Variants in ADGRD1 observed in about 807,000 individuals in gnomAD.
ADGRD1 encodes G-protein coupled receptor 133.
A neutral mutation model predicts 113.4 loss-of-function variants in ADGRD1; 77 were observed. The observed-to-expected ratio is 0.68, with a 90% CI of 0.57 to 0.82. The LOEUF (loss-of-function observed/expected upper bound fraction) is 0.82, where lower values mean the gene tolerates loss of function less well. Ranked by LOEUF, ADGRD1 falls within the 40% of genes least tolerant of loss-of-function variation. The pLI is 0.00. For synonymous variants in ADGRD1, 474 were observed against 475.0 expected (o/e 1.00, Z 0.03); for missense variants, 1,036 against 1,139.1 (o/e 0.91, Z 1.30).
At chr12:130,967,192 G>C in intron 3 of ADGRD1, 1 of 373,290 alleles carries the variant, frequency 2.7e-6, no homozygotes, top group Non-Finnish European at 5.7e-6. Flanking sequence ...AAGGGCCCCC[G>C]TTTCATTCAG....
chr12:131,127,764 G>A (rs1331088258), intron 20 of ADGRD1, among the ~76,000 whole-genome samples: 1 of 140,532 alleles, frequency 7.1e-6, no homozygotes, highest in African/African-American at 2.7e-5. Context: ...TCTGAGCTCA[G>A]GTGGGGTGTT....
intron 17 of ADGRD1, among the ~76,000 whole-genome samples, chr12:131,107,664 C>T (rs1247915081): frequency 6.6e-6 from 1 of 152,182 alleles, no homozygotes; most frequent in Non-Finnish European, 1.5e-5. Flanking sequence ...ACCAGAGCCT[C>T]TGGGGTAGGA....
Position 131,131,905 on chromosome 12 carries a change from C to T in ADGRD1, c.2267+89C>T, listed in dbSNP as rs1037443515. ...TCACAGGAGAGATAGCCACTCCTGC[C>T]TCCTGTGGCCGGCACCAAAGTCCTC... On this transcript the variant is annotated intron_variant, in intron 21 of 24. Transcript: ENST00000261654. The T allele has an allele frequency of 2.2e-5, 18 of 835,422 alleles. No homozygotes were observed. The African/African-American group carries it at 3.0e-4, about 14-fold the overall frequency. 51.8% of individuals were successfully genotyped at this position (835,422 alleles called of 1,614,324 possible).
At chr12:130,955,709 C>T (rs1054155749) in intron 2 of ADGRD1, among the ~76,000 whole-genome samples, 2 of 152,202 alleles carry the variant, frequency 1.3e-5, no homozygotes, top group African/African-American at 4.8e-5. Context: ...CAGAGCTTGG[C>T]TGGGCACCCC....
chr12:131,019,742 G>A (rs1378630592), intron 13 of ADGRD1, among the ~76,000 whole-genome samples: 1 of 152,196 alleles, frequency 6.6e-6, no homozygotes, highest in Non-Finnish European at 1.5e-5. Flanking sequence ...TTCTGGAAGG[G>A]ACTGAGTGTA....
chr12:130,994,210 C>T (rs1304281146), intron 8 of ADGRD1: 1 of 444,930 alleles, frequency 2.2e-6, no homozygotes, highest in African/African-American at 2.0e-5. Context: ...GCTGGAAGGT[C>T]CTTATGCATG....
intron 14 of ADGRD1, among the ~76,000 whole-genome samples, chr12:131,077,627 C>T (rs1632327): frequency 0.94 from 142,559 of 152,016 alleles, 67,596 homozygotes; most frequent in East Asian, 1. Flanking sequence ...GGGGTGGGGC[C>T]TCCGGATCCT....
At chr12:130,955,036 C>A (rs1409530870) in intron 2 of ADGRD1, among the ~76,000 whole-genome samples, 1 of 151,222 alleles carries the variant, frequency 6.6e-6, no homozygotes, top group African/African-American at 2.4e-5. Context: ...GTGCAGTGGC[C>A]GCAACCTCTG....
At chr12:130,978,707 A>G (rs884280) in intron 4 of ADGRD1, 113,590 of 152,172 alleles carry the variant, frequency 0.75, 44,768 homozygotes, top group East Asian at 0.95. Flanking sequence ...ACCACATGGA[A>G]TTTTTTTATT....
chr12:131,101,055 G>T lies in ADGRD1; in HGVS notation c.1672-3776G>T, dbSNP rs1463785187. On this transcript the variant is annotated intron_variant, in intron 15 of 24. Transcript: ENST00000261654. ...AGAGCTGCGAGATGAGGTAGGAAAA[G>T]CTTCCCTAATGCATCCTCAGGGCTT... 3.3e-5 allele frequency among the ~76,000 whole-genome samples: 5 copies of T among 152,326 alleles called. No individual in the cohort carries two copies. The East Asian group carries it at 9.7e-4, about 29-fold the overall frequency.
intron 9 of ADGRD1, among the ~76,000 whole-genome samples, chr12:131,001,841 C>T (rs1270471764): frequency 6.6e-6 from 1 of 152,214 alleles, no homozygotes; most frequent in African/African-American, 2.4e-5. Context: ...TTAAAGTGCT[C>T]ATTCTCCTAA....
Position 130,954,100 on chromosome 12 carries a change from A to G in ADGRD1, c.-366A>G, listed in dbSNP as rs2136444096. 4.6e-6 allele frequency: 1 copy of G among 218,648 alleles called. No homozygotes were observed. The highest frequency in any genetic ancestry group is 1.9e-4 in the South Asian group (1 of 5,382). The allele number at this position is 218,648 out of a possible 1,614,324, so 13.5% of individuals were successfully genotyped here. ...GACAAACGGAGGCTCTTGAAATAAA[A>G]AGAAAATACCGCAGGACAAACAGCC... is the stretch of plus-strand genomic sequence containing the variant. On this transcript the variant is annotated 5_prime_UTR_variant, in exon 1 of 25. Transcript: ENST00000261654. The surrounding 1 kb of genome is among the most constrained non-coding windows in gnomAD (Gnocchi z 4.7).
chr12:131,061,917 C>G (rs1028028729), intron 13 of ADGRD1, among the ~76,000 whole-genome samples: 2 of 152,232 alleles, frequency 1.3e-5, no homozygotes, highest in African/African-American at 4.8e-5. Context: ...GACTTTGCCA[C>G]TCAGCATAAT....
chr12:131,055,458 C>T (rs536591407), intron 13 of ADGRD1, among the ~76,000 whole-genome samples: 1 of 152,358 alleles, frequency 6.6e-6, no homozygotes, highest in Non-Finnish European at 1.5e-5. Context: ...ACGGTCACAT[C>T]TCACAGGTTC....
chr12:131,040,844 C>T (rs1454344681), intron 13 of ADGRD1, among the ~76,000 whole-genome samples: 1 of 152,246 alleles, frequency 6.6e-6, no homozygotes, highest in Non-Finnish European at 1.5e-5. Context: ...ACTCAGCCTG[C>T]AGGTGACCCA....
At chr12:131,121,731 C>A (rs367591585) in intron 20 of ADGRD1, among the ~76,000 whole-genome samples, 1 of 152,166 alleles carries the variant, frequency 6.6e-6, no homozygotes, top group African/African-American at 2.4e-5. Flanking sequence ...TGAGTCAGGA[C>A]CATCTGTGGG....
intron 13 of ADGRD1, among the ~76,000 whole-genome samples, chr12:131,037,111 G>GGCACCGGGCCTCACTCACT (rs1257856969): frequency 2.1e-5 from 1 of 48,370 alleles, no homozygotes; most frequent in Non-Finnish European, 4.1e-5. Context: ...CCTCACTCAC[G>GGCACCGGGCCTCACTCACT]GCACCGGGCC....
chr12:131,002,888 G>C, intron 9 of ADGRD1: 1 of 1,098,280 alleles, frequency 9.1e-7, no homozygotes, highest in Non-Finnish European at 1.2e-6. Context: ...AGTTCAGGGA[G>C]GAGGCAGGAC....
chr12:131,043,176 C>T lies in ADGRD1; in HGVS notation c.1473+28836C>T, dbSNP rs144965084. 1.8e-3 allele frequency among the ~76,000 whole-genome samples: 276 copies of T among 152,316 alleles called. 4 individuals carry two copies. The highest frequency in any genetic ancestry group is 3.8e-3 in the African/African-American group (157 of 41,584). On this transcript the variant is annotated intron_variant, in intron 13 of 24. Transcript: ENST00000261654. ...GGGTCCTGTGCACCCTGGAGCAGCC[C>T]GGCCCGGGGCTGAGCATGCCGTGCA...
Sources: gnomAD v4.1 joint callset for allele counts (sites outside exome capture counted in the v4.1 genomes callset) on GRCh38, gnomAD v4.1.1 for gene constraint, Gnocchi (gnomAD v3.1) non-coding constraint, MANE v1.5 for transcripts, NCBI Gene and HGNC (gene_info 2026-07-23, HGNC 2026-07-21) for gene names.